The following GFM2 variants were observed in gnomAD, a reference collection of about 807,000 sequenced individuals.
GFM2 encodes ribosome-releasing factor 2, mitochondrial.
In GFM2, 72 loss-of-function variants were observed where a neutral mutation model predicts 95.4. The ratio of observed to expected loss-of-function variants is 0.76; its 90% CI spans 0.62 to 0.92. GFM2 has a LOEUF of 0.92. Ranked by LOEUF, GFM2 falls within the 40% of genes least tolerant of loss-of-function variation. The pLI is 0.00. For synonymous variants in GFM2, 276 were observed against 317.5 expected, an observed-to-expected ratio of 0.87 and a Z score of 1.39; for missense variants, 825 against 924.1, an observed-to-expected ratio of 0.89 and a Z score of 1.39.
At chr5:74,751,258 T>C (rs1743689956) in intron 6 of GFM2, 110 bp downstream of exon 6, 1 of 1,054,726 alleles carries the variant, frequency 9.5e-7, no homozygotes, top group Admixed American at 2.4e-5. Context: ...AGATGGTAAA[T>C]TTTGCAACAC....
intron 5 of GFM2, 150 bp downstream of exon 5, chr5:74,758,699 G>T: frequency 3.3e-6 from 2 of 597,158 alleles, no homozygotes; most frequent in South Asian, 4.3e-5. Context: ...CCTTTGGTGG[G>T]TATTGCAACT....
chr5:74,725,759 G>A lies in GFM2; in HGVS notation c.1913-4C>T. 6.2e-6 allele frequency: 10 copies of A among 1,603,154 alleles called. No individual in the cohort carries two copies. Among genetic ancestry groups the A allele is most frequent in the Non-Finnish European group, 8.5e-6 (10 of 1,170,410 alleles). On this transcript the variant is annotated splice_polypyrimidine_tract_variant and splice_region_variant and intron_variant, in intron 18 of 20. Transcript: ENST00000296805. Reference sequence around the variant, plus strand: ...ATTGGGGATCCAAGCAATGGTCCTAGACAAGGGAAAAAAATTGTATCATAC... The same window carrying A: ...ATTGGGGATCCAAGCAATGGTCCTAAACAAGGGAAAAAAATTGTATCATAC...
chr5:74,753,956 G>A (rs914453691), intron 5 of GFM2, among the ~76,000 whole-genome samples: 1 of 147,002 alleles, frequency 6.8e-6, no homozygotes, highest in Non-Finnish European at 1.5e-5. Context: ...TTTTAAGAGT[G>A]TGGGGAAAAA....
At chr5:74,745,910 C>A in intron 9 of GFM2, 53 bp from the exon 10 acceptor site, 1 of 1,408,038 alleles carries the variant, frequency 7.1e-7, no homozygotes, top group Non-Finnish European at 9.9e-7. Context: ...CTGAAAACTA[C>A]AATGATGACA....
At chr5:74,765,842 C>CA (rs1744557310) in intron 1 of GFM2, among the ~76,000 whole-genome samples, 1 of 151,814 alleles carries the variant, frequency 6.6e-6, no homozygotes, top group South Asian at 2.1e-4. Flanking sequence ...ACTAAAAATA[C>CA]AAAAATATTA....
rs746720912 is a variant in GFM2, at chr5:74,751,359, G to C, written c.430+9C>G. 2 of 1,610,834 alleles carry C rather than the reference G, an allele frequency of 1.2e-6. No individual in the cohort carries two copies. Among genetic ancestry groups the C allele is most frequent in the Non-Finnish European group, 1.7e-6 (2 of 1,178,450 alleles). On this transcript the variant is annotated intron_variant, in intron 6 of 20. Coordinates refer to ENST00000296805, the MANE Select transcript of GFM2 (RefSeq NM_032380.5). ...GCAGCATCTCTGTGTTACTGGAATC[G>C]TACCATACCTGGTGTATCAATTAGA...
intron 15 of GFM2, 51 bp from the exon 16 acceptor site, chr5:74,733,149 T>C: frequency 7.4e-7 from 1 of 1,342,456 alleles, no homozygotes; most frequent in South Asian, 1.2e-5. Flanking sequence ...AAATAATTTA[T>C]TATATGTTCT....
At chr5:74,723,428 C>T (rs999420626) in intron 19 of GFM2, among the ~76,000 whole-genome samples, 5 of 152,146 alleles carry the variant, frequency 3.3e-5, no homozygotes, top group African/African-American at 1.2e-4. Context: ...ATGATGACAT[C>T]AGTAGTCTTC....
intron 1 of GFM2, among the ~76,000 whole-genome samples, chr5:74,764,503 T>C (rs1442656091): frequency 6.6e-6 from 1 of 151,526 alleles, no homozygotes; most frequent in Non-Finnish European, 1.5e-5. Flanking sequence ...TTTTTTTTAT[T>C]TTTTTTTAGC....
chr5:74,747,575 T>C (rs534438015), intron 8 of GFM2, 117 bp downstream of exon 8: 1 of 604,380 alleles, frequency 1.7e-6, no homozygotes, highest in Admixed American at 3.0e-5. Context: ...CATGGAATAT[T>C]TATACCCTAT....
At position 74,736,838 on chromosome 5, in the gene GFM2, A is replaced by G. The variant is rs1742856672; in HGVS notation, c.1468T>C (p.Phe490Leu). ...LAGVEIPEPVFFCTIEPPSLS... is the reference protein window; with the variant it reads ...LAGVEIPEPVLFCTIEPPSLS... ...GATGGGGGTTCTATGGTACAGAAGA[A>G]AACAGGTTCTGGAATCTCCACTCCA... The change falls in exon 15 of 21, where the codon TTC (phenylalanine) becomes CTC (leucine). Residue 490 changes from phenylalanine to leucine, a missense_variant. Coordinates refer to ENST00000296805, the MANE Select transcript of GFM2 (RefSeq NM_032380.5). The G allele has an allele frequency of 6.2e-7, 1 of 1,613,960 alleles. No homozygotes were observed. Among genetic ancestry groups the G allele is most frequent in the Non-Finnish European group, 8.5e-7 (1 of 1,179,878 alleles).
In GFM2 at chr5:74,721,289, C is replaced by A. The variant is rs751354498; in HGVS notation, c.*366G>T. The stretch of plus-strand genomic sequence containing the variant: ...GAATAAAATATTTTTATTGATTGAA[C>A]CTTTGACCCTCTATCTTATTACATT... On this transcript the variant is annotated 3_prime_UTR_variant, in exon 21 of 21. Transcript: ENST00000296805. The A allele has an allele frequency of 3.4e-6, 3 of 895,132 alleles. No individual in the cohort carries two copies. Among genetic ancestry groups the A allele is most frequent in the African/African-American group, 1.7e-5 (1 of 60,250 alleles). The allele number at this position is 895,132 out of a possible 1,614,324, so 55.4% of individuals were successfully genotyped here.
chr5:74,764,788 T>TC (rs1561267789), intron 1 of GFM2, among the ~76,000 whole-genome samples: 1 of 139,766 alleles, frequency 7.2e-6, no homozygotes, highest in East Asian at 2.0e-4. Context: ...GTTTTTTTTT[T>TC]TTTTTTTTTT....
At position 74,757,053 on chromosome 5, in the gene GFM2, G is replaced by C. The variant is rs1327423054; in HGVS notation, c.304+1796C>G. 5.3e-5 allele frequency among the ~76,000 whole-genome samples: 8 copies of C among 152,096 alleles called. No individual in the cohort carries two copies. In the East Asian group the frequency reaches 1.2e-3, roughly 22 times the overall value. ...GTAACCAACCACCTGTTCTCCAAAA[G>C]CCTATTGAAATAAAAAATAAAATAA... On this transcript the variant is annotated intron_variant, in intron 5 of 20. Coordinates refer to ENST00000296805, the MANE Select transcript of GFM2 (RefSeq NM_032380.5).
intron 15 of GFM2, chr5:74,736,589 T>A (rs1742844764): frequency 7.1e-7 from 1 of 1,405,562 alleles, no homozygotes; most frequent in Non-Finnish European, 9.2e-7. Flanking sequence ...ATGAGAAGAA[T>A]GGCCAAGAAA....
chr5:74,763,058 GTAT>G (rs1178980688), intron 2 of GFM2, among the ~76,000 whole-genome samples: 1 of 152,272 alleles, frequency 6.6e-6, no homozygotes, highest in Non-Finnish European at 1.5e-5. Flanking sequence ...GATAAAAAGG[GTAT>G]TATTATGTTT....
intron 15 of GFM2, chr5:74,736,584 A>C: frequency 7.1e-7 from 1 of 1,404,128 alleles, no homozygotes; most frequent in Non-Finnish European, 9.2e-7. Context: ...ATAATATGAG[A>C]AGAATGGCCA....
chr5:74,750,763 G>C (rs892377365), intron 6 of GFM2, 96 bp from the exon 7 acceptor site: 3 of 787,694 alleles, frequency 3.8e-6, no homozygotes, highest in Non-Finnish European at 6.4e-6. Flanking sequence ...GGGTGTGTGT[G>C]TATATATATG....
chr5:74,758,800 T>C (rs762538154), intron 5 of GFM2, 49 bp downstream of exon 5: 2 of 1,164,178 alleles, frequency 1.7e-6, no homozygotes, highest in Admixed American at 1.7e-5. Flanking sequence ...TATTTTCCAA[T>C]GATGCTTTTG....
Sources: allele counts gnomAD v4.1 joint callset (sites outside exome capture counted in the v4.1 genomes callset), GRCh38; gene constraint gnomAD v4.1.1; transcripts MANE v1.5; gene names NCBI Gene and HGNC (gene_info 2026-07-23, HGNC 2026-07-21).